The following RARS2 variants were observed in gnomAD, a reference collection of about 807,000 sequenced individuals.
The protein encoded by RARS2 is arginyl-tRNA synthetase 2, mitochondrial, also known as probable arginine--tRNA ligase, mitochondrial.
RARS2 carries 67 observed loss-of-function variants against 88.5 expected under a neutral mutation model. That is an observed-to-expected ratio of 0.76 (90% CI 0.62 to 0.93). The LOEUF is 0.93. RARS2 is among the 40% of genes least tolerant of loss of function. The pLI is 0.00. For synonymous variants in RARS2, 239 were observed against 230.3 expected (o/e 1.04, Z -0.34); for missense variants, 664 against 684.2 (o/e 0.97, Z 0.33).
chr6:87,551,626 C>CAAAAAAAAAAAAAAA lies in RARS2; in HGVS notation c.396-2995_396-2981dup, dbSNP rs71018036. On this transcript the variant is annotated intron_variant, in intron 5 of 19. Coordinates refer to ENST00000369536, the MANE Select transcript of RARS2 (RefSeq NM_020320.5). ...GCGAGACAGCAAGACTCCGTCTCAA[C>CAAAAAAAAAAAAAAA]AAAAAAAAAAAAAAAAAAAAAAAGA... Among the ~76,000 whole-genome samples, 2 of 65,166 alleles carry CAAAAAAAAAAAAAAA rather than the reference C, an allele frequency of 3.1e-5. 1 individual carries two copies. The allele number at this position is 65,166 out of a possible 152,430, so 42.8% of individuals were successfully genotyped here.
intron 14 of RARS2, among the ~76,000 whole-genome samples, 175 bp downstream of exon 14, chr6:87,519,408 T>C (rs1773079453): frequency 6.6e-6 from 1 of 152,046 alleles, no homozygotes; most frequent in South Asian, 2.1e-4. Flanking sequence ...AAGTGACCAA[T>C]TCCTGAGTAG....
intron 11 of RARS2, among the ~76,000 whole-genome samples, chr6:87,522,121 G>C (rs1198187737): frequency 1.3e-5 from 2 of 152,084 alleles, no homozygotes; most frequent in East Asian, 3.9e-4. Context: ...CACGAGGTCA[G>C]GAGTTTGAGA....
At chr6:87,553,487 G>A (rs1055405428) in intron 5 of RARS2, among the ~76,000 whole-genome samples, 4 of 152,066 alleles carry the variant, frequency 2.6e-5, no homozygotes, top group African/African-American at 9.7e-5. Flanking sequence ...CTGATCTGTC[G>A]CAACTATTCA....
intron 5 of RARS2, among the ~76,000 whole-genome samples, chr6:87,551,533 G>A (rs567967764): frequency 8.1e-5 from 12 of 147,262 alleles, no homozygotes; most frequent in African/African-American, 2.3e-4. Flanking sequence ...GGGAGGCTGA[G>A]GCAGGAGAAT....
At position 87,514,944 on chromosome 6, in the gene RARS2, CA is replaced by C; in HGVS notation, c.1650+12del. The C allele has an allele frequency of 6.3e-7, 1 of 1,599,924 alleles. No homozygotes were observed. Among genetic ancestry groups the C allele is most frequent in the South Asian group, 1.1e-5 (1 of 90,750 alleles). ...AGCTAGGGATTATACAGAAAACATTCAACATAACGTACCCCAGCCACTTCAG... is the reference window on the plus strand; with the variant it reads ...AGCTAGGGATTATACAGAAAACATTCACATAACGTACCCCAGCCACTTCAG... On this transcript the variant is annotated intron_variant, in intron 19 of 19. Coordinates refer to ENST00000369536, the MANE Select transcript of RARS2 (RefSeq NM_020320.5).
intron 11 of RARS2, among the ~76,000 whole-genome samples, chr6:87,523,268 G>C (rs1396502059): frequency 6.6e-6 from 1 of 152,120 alleles, no homozygotes; most frequent in Non-Finnish European, 1.5e-5. Flanking sequence ...ATTTAGTCCA[G>C]ATCTCTCATT....
Position 87,578,116 on chromosome 6 carries a change from C to A in RARS2, c.37-8526G>T, listed in dbSNP as rs111282967. Among the ~76,000 whole-genome samples the A allele has an allele frequency of 4.9e-3, 730 of 149,756 alleles. 38 individuals carry two copies. The East Asian group carries it at 0.12, about 24-fold the overall frequency. The stretch of plus-strand genomic sequence containing the variant: ...GGGGCAACATAGCGAGACCCCCCCC[C>A]CCGCCATCTCTATTTAAAAATAAAA... On this transcript the variant is annotated intron_variant, in intron 1 of 19. Transcript: ENST00000369536.
At position 87,518,632 on chromosome 6, in the gene RARS2, G is replaced by C. The variant is rs187815721; in HGVS notation, c.1413C>G (p.His471Gln). 2.4e-5 allele frequency: 39 copies of C among 1,610,938 alleles called. No individual in the cohort carries two copies. The African/African-American group carries it at 3.7e-4, about 15-fold the overall frequency. Residue 471 changes from histidine to glutamine, a missense_variant and splice_region_variant, in exon 16 of 20, where the codon CAC (histidine) becomes CAG (glutamine). Transcript: ENST00000369536. Reference sequence around the variant, plus strand: ...GTTTCCCTGCAGCCTCTTCTCACCTGTGGAGGCGGGCGTGTGTGTACTGTA... The same window carrying C: ...GTTTCCCTGCAGCCTCTTCTCACCTCTGGAGGCGGGCGTGTGTGTACTGTA... ...VFLQYTHARL[H>Q]SLEETFGCGY...
intron 8 of RARS2, among the ~76,000 whole-genome samples, chr6:87,536,325 G>A (rs928511386): frequency 3.3e-5 from 5 of 152,126 alleles, no homozygotes; most frequent in African/African-American, 7.2e-5. Context: ...TTTAACACTT[G>A]TTAACTTTTA....
Position 87,569,523 on chromosome 6 carries a change from T to G in RARS2, c.104A>C (p.Gln35Pro). The part of the protein sequence containing the change: ...ITSISAVPIS[Q>P]KEEVADFQLS... ...CAAGTGTATTATACTTAACTCTTTT[T>G]GGGAAATTGGAACTGCAGATATTGA... The change falls in exon 2 of 20, where the codon CAA becomes CCA. Residue 35 changes from glutamine (Q) to proline (P), a missense_variant. Physicochemically the swap from Gln to Pro is moderately conservative, Grantham distance 76. Transcript: ENST00000369536. The G allele has an allele frequency of 6.3e-7, 1 of 1,591,780 alleles. No homozygotes were observed.
In RARS2 at chr6:87,529,537, C is replaced by A; in HGVS notation, c.878+5G>T. 2.0e-6 allele frequency: 3 copies of A among 1,497,364 alleles called. No homozygotes were observed. The African/African-American group carries it at 4.1e-5, about 21-fold the overall frequency. The allele number at this position is 1,497,364 out of a possible 1,614,324, so 92.8% of individuals were successfully genotyped here. A position where few individuals can be genotyped will look rare whatever the true frequency, so the allele number is the denominator to read the frequency against. On this transcript the variant is annotated splice_donor_5th_base_variant and intron_variant, in intron 10 of 19. Coordinates refer to ENST00000369536, the MANE Select transcript of RARS2 (RefSeq NM_020320.5). ...TTTTACTGAAGAATAGTAACCTGAT[C>A]ATACATTGTTTTCAGTAGGAGTCCT...
intron 7 of RARS2, among the ~76,000 whole-genome samples, chr6:87,544,759 A>G (rs1782087192): frequency 6.6e-6 from 1 of 151,988 alleles, no homozygotes; most frequent in African/African-American, 2.4e-5. Flanking sequence ...AATTTGTGGT[A>G]GTACTTAACT....
rs1175185102 is a variant in RARS2 at position 87,519,518 on chromosome 6, A to G, written c.1237+65T>C. The stretch of plus-strand genomic sequence containing the variant: ...ACAGACATAATAAATCACACTGCCC[A>G]AAGTCCAGAATAACATAAAAGTGGC... On this transcript the variant is annotated intron_variant, in intron 14 of 19. Coordinates refer to ENST00000369536, the MANE Select transcript of RARS2 (RefSeq NM_020320.5). 8 of 1,527,640 alleles carry G rather than the reference A, an allele frequency of 5.2e-6. No homozygotes were observed. In the Admixed American group the frequency reaches 8.4e-5, roughly 16 times the overall value. The allele number at this position is 1,527,640 out of a possible 1,614,324, so 94.6% of individuals were successfully genotyped here.
intron 4 of RARS2, 93 bp from the exon 5 acceptor site, chr6:87,555,598 T>A (rs1016535616): frequency 4.9e-6 from 5 of 1,011,678 alleles, no homozygotes; most frequent in Non-Finnish European, 7.6e-6. Context: ...ATTTGTTCAC[T>A]CTAATTTATG....
intron 12 of RARS2, 45 bp from the exon 13 acceptor site, chr6:87,520,301 A>C: frequency 1.4e-6 from 2 of 1,399,366 alleles, no homozygotes; most frequent in Non-Finnish European, 2.0e-6. Context: ...CTGACAAATT[A>C]ATGTATAAAA....
At chr6:87,542,216 T>A (rs1225612051) in intron 7 of RARS2, among the ~76,000 whole-genome samples, 3 of 152,184 alleles carry the variant, frequency 2.0e-5, no homozygotes. Context: ...TCACTGAAAT[T>A]AAGCTCACAG....
At chr6:87,552,458 T>A (rs116453598) in intron 5 of RARS2, among the ~76,000 whole-genome samples, 2 of 152,158 alleles carry the variant, frequency 1.3e-5, no homozygotes, top group Non-Finnish European at 2.9e-5. Flanking sequence ...TGCTAGGAGA[T>A]AGACAGGCTC....
chr6:87,556,748 C>T lies in RARS2; in HGVS notation c.298-1243G>A, dbSNP rs569528611. Among the ~76,000 whole-genome samples, 27 of 148,004 alleles carry T rather than the reference C, an allele frequency of 1.8e-4. No individual in the cohort carries two copies. In the South Asian group the frequency reaches 3.9e-3, roughly 21 times the overall value. On this transcript the variant is annotated intron_variant, in intron 4 of 19. Transcript: ENST00000369536. ...CAGAGGTTGCAGTAAGCCGAGATCGCGCCACTGCACTCCAGCCTGGGCGCA... is the reference window on the plus strand; with the variant it reads ...CAGAGGTTGCAGTAAGCCGAGATCGTGCCACTGCACTCCAGCCTGGGCGCA...
intron 1 of RARS2, among the ~76,000 whole-genome samples, chr6:87,587,481 A>G (rs1055074326): frequency 6.6e-6 from 1 of 152,230 alleles, no homozygotes; most frequent in Non-Finnish European, 1.5e-5. Context: ...ACACTGCTGT[A>G]TAAATCCATT....
Sources: gnomAD v4.1 joint callset for allele counts (sites outside exome capture counted in the v4.1 genomes callset) on GRCh38, gnomAD v4.1.1 for gene constraint, MANE v1.5 for transcripts, NCBI Gene and HGNC (gene_info 2026-07-23, HGNC 2026-07-21) for gene names.